Variants in FGD6 observed in about 807,000 individuals in gnomAD.
The protein encoded by FGD6 is FYVE, RhoGEF and PH domain-containing protein 6.
A neutral mutation model predicts 149.4 loss-of-function variants in FGD6; 90 were observed. That is an observed-to-expected ratio of 0.60 (90% CI 0.51 to 0.72). The LOEUF is 0.72. Among genes scored for constraint, FGD6 ranks in the 30% least tolerant of loss-of-function variants. The pLI is 0.00. For synonymous variants in FGD6, 527 were observed against 584.0 expected (o/e 0.90, Z 1.41); for missense variants, 1,437 against 1,684.8 (o/e 0.85, Z 2.57).
At position 95,077,259 on chromosome 12, in the gene FGD6, TCTCAAATGAGTAAGTTGTC is replaced by T. The variant is rs1334861896; in HGVS notation, c.*4242_*4260del. 1 of 152,140 alleles carries T rather than the reference TCTCAAATGAGTAAGTTGTC, an allele frequency of 6.6e-6. No homozygotes were observed. The highest frequency in any genetic ancestry group is 2.4e-5 in the African/African-American group (1 of 41,424). The allele number at this position is 152,140 out of a possible 1,614,324, so 9.4% of individuals were successfully genotyped here. ...TGCATGCAAGGTACCCTGCCAGAAA[TCTCAAATGAGTAAGTTGTC>T]CTTAGGGATAGAAGGTGCTAAGCAT... On this transcript the variant is annotated 3_prime_UTR_variant, in exon 21 of 21. Transcript: ENST00000343958.
rs141424282 is a variant in FGD6, at chr12:95,197,932, T to C, written c.2441+10911A>G. On this transcript the variant is annotated intron_variant, in intron 2 of 20. Coordinates refer to ENST00000343958, the MANE Select transcript of FGD6 (RefSeq NM_018351.4). ...TTCAGTTTCCAACCTTTGAAACACC[T>C]ATTACCTAACCACAAGAGCTTTCCA... 6.2e-3 allele frequency among the ~76,000 whole-genome samples: 941 copies of C among 152,326 alleles called. 16 individuals carry two copies. The highest frequency in any genetic ancestry group is 0.021 in the African/African-American group (891 of 41,566).
chr12:95,153,116 CA>C, intron 3 of FGD6, 123 bp from the exon 4 acceptor site: 1 of 757,640 alleles, frequency 1.3e-6, no homozygotes, highest in Non-Finnish European at 2.2e-6. Flanking sequence ...CAGTTCATAC[CA>C]TATAACATTT....
Position 95,094,576 on chromosome 12 carries a change from AAG to A in FGD6, c.3600+14_3600+15del, listed in dbSNP as rs1555216287. 3 of 1,553,210 alleles carry A rather than the reference AAG, an allele frequency of 1.9e-6. No individual in the cohort carries two copies. In the African/African-American group the frequency reaches 4.2e-5, roughly 22 times the overall value. On this transcript the variant is annotated intron_variant, in intron 15 of 20. Coordinates refer to ENST00000343958, the MANE Select transcript of FGD6 (RefSeq NM_018351.4). ...TGAAATGCACTGGAAAAAAAAAAAA[AAG>A]GAGAAAACAATACCTCATCAAGACT...
intron 2 of FGD6, among the ~76,000 whole-genome samples, chr12:95,174,851 C>T (rs371174393): frequency 2.3e-5 from 3 of 132,960 alleles, no homozygotes. Flanking sequence ...GGCGTGAACC[C>T]GGGAGGCGGA....
intron 8 of FGD6, among the ~76,000 whole-genome samples, chr12:95,125,085 T>C (rs1879295982): frequency 1.3e-5 from 2 of 152,200 alleles, no homozygotes; most frequent in Non-Finnish European, 2.9e-5. Flanking sequence ...TTTAATCTTA[T>C]GTAGTTTATT....
At chr12:95,160,755 G>A (rs1032753131) in intron 3 of FGD6, among the ~76,000 whole-genome samples, 3 of 152,110 alleles carry the variant, frequency 2.0e-5, no homozygotes, top group Non-Finnish European at 4.4e-5. Context: ...ACCCACCTGT[G>A]TGGGAGGCTG....
chr12:95,128,293 C>G (rs1270381153), intron 8 of FGD6, among the ~76,000 whole-genome samples: 1 of 152,114 alleles, frequency 6.6e-6, no homozygotes, highest in Admixed American at 6.6e-5. Context: ...TGAAGTACAA[C>G]AGGCACGATC....
At chr12:95,141,093 C>A (rs763260539) in intron 6 of FGD6, among the ~76,000 whole-genome samples, 8 of 151,850 alleles carry the variant, frequency 5.3e-5, no homozygotes, top group Non-Finnish European at 1.5e-5. Flanking sequence ...CGTGGTGGCA[C>A]ACGCCTATAA....
At chr12:95,191,615 C>T (rs1881589411) in intron 2 of FGD6, among the ~76,000 whole-genome samples, 1 of 148,728 alleles carries the variant, frequency 6.7e-6, no homozygotes, top group Non-Finnish European at 1.5e-5. Flanking sequence ...CATAGTTGTC[C>T]CTGGGTATCT....
chr12:95,090,563 G>A (rs1047735713), intron 17 of FGD6, among the ~76,000 whole-genome samples: 5 of 152,158 alleles, frequency 3.3e-5, no homozygotes, highest in African/African-American at 1.2e-4. Context: ...ATGGGTATAG[G>A]TGATGAGGAA....
intron 2 of FGD6, among the ~76,000 whole-genome samples, chr12:95,201,506 A>G (rs1592875009): frequency 6.6e-6 from 1 of 152,330 alleles, no homozygotes; most frequent in Non-Finnish European, 1.5e-5. Flanking sequence ...AGTTATGACT[A>G]CTGCAAAAAT....
chr12:95,134,580 G>A (rs781605574), intron 8 of FGD6, among the ~76,000 whole-genome samples, 159 bp downstream of exon 8: 2 of 152,188 alleles, frequency 1.3e-5, no homozygotes, highest in Admixed American at 6.5e-5. Context: ...TTCAGGCAAC[G>A]TATATGTAAA....
intron 2 of FGD6, among the ~76,000 whole-genome samples, chr12:95,200,941 T>A (rs998677324): frequency 6.6e-6 from 1 of 151,776 alleles, no homozygotes; most frequent in Non-Finnish European, 1.5e-5. Context: ...AAATGTGCTA[T>A]AACACGAACT....
intron 15 of FGD6, among the ~76,000 whole-genome samples, chr12:95,093,448 G>T (rs1878132909): frequency 6.6e-6 from 1 of 152,096 alleles, no homozygotes; most frequent in Admixed American, 6.5e-5. Context: ...GGGAGGCCGA[G>T]GCGGGTGGAT....
Position 95,108,352 on chromosome 12 carries a change from C to G in FGD6, c.3260G>C (p.Gly1087Ala), listed in dbSNP as rs749429181. The change falls in exon 11 of 21, where the codon GGT becomes GCT. Residue 1087 changes from glycine to alanine, a missense_variant. Physicochemically the swap from Gly to Ala is moderately conservative, Grantham distance 60. Transcript: ENST00000343958. ...LNGHHEIVQP[G>A]RVFLKEGILM... Reference sequence around the variant, plus strand: ...AAAGCAATGTAAAATGCTTACCCGACCAGGCTGCACAATTTCATGGTGTCC... The same window carrying G: ...AAAGCAATGTAAAATGCTTACCCGAGCAGGCTGCACAATTTCATGGTGTCC... 3 of 1,613,562 alleles carry G rather than the reference C, an allele frequency of 1.9e-6. No homozygotes were observed. The African/African-American group carries it at 4.0e-5, about 22-fold the overall frequency.
At chr12:95,169,677 C>G (rs999977359) in intron 3 of FGD6, among the ~76,000 whole-genome samples, 3 of 152,120 alleles carry the variant, frequency 2.0e-5, no homozygotes, top group African/African-American at 7.2e-5. Flanking sequence ...TTGGTCAGTG[C>G]TCCAAGAAGT....
intron 2 of FGD6, among the ~76,000 whole-genome samples, chr12:95,183,561 A>T (rs190725985): frequency 4.1e-4 from 62 of 152,136 alleles, no homozygotes; most frequent in South Asian, 8.3e-4. Context: ...AATTCAAACA[A>T]CCTCCAAGGC....
rs1324805846 is a variant in FGD6 at position 95,157,180 on chromosome 12, T to TA, written c.2587-4188dup. ...CTCTGACAGAAGTAGCCACTAATCT[T>TA]ACAGTTTGTGTATATTTGTCCCTTC... On this transcript the variant is annotated intron_variant, in intron 3 of 20. Coordinates refer to ENST00000343958, the MANE Select transcript of FGD6 (RefSeq NM_018351.4). Among the ~76,000 whole-genome samples, 10 of 152,354 alleles carry TA rather than the reference T, an allele frequency of 6.6e-5. No individual in the cohort carries two copies. In the East Asian group the frequency reaches 1.9e-3, roughly 29 times the overall value.
rs372573485 is a variant in FGD6, at chr12:95,107,041, A to G, written c.3334-4T>C. 4 of 1,606,322 alleles carry G rather than the reference A, an allele frequency of 2.5e-6. No individual in the cohort carries two copies. Among genetic ancestry groups the G allele is most frequent in the Non-Finnish European group, 3.4e-6 (4 of 1,176,596 alleles). ...TATACAGCAGGGCATCATTAAACTGAAAGTAGAAACATTTCAGGGGAGAAA... is the reference window on the plus strand; with the variant it reads ...TATACAGCAGGGCATCATTAAACTGGAAGTAGAAACATTTCAGGGGAGAAA... On this transcript the variant is annotated splice_polypyrimidine_tract_variant and splice_region_variant and intron_variant, in intron 12 of 20. Transcript: ENST00000343958.
Sources: allele counts gnomAD v4.1 joint callset (sites outside exome capture counted in the v4.1 genomes callset), GRCh38; gene constraint gnomAD v4.1.1; transcripts MANE v1.5; gene names NCBI Gene and HGNC (gene_info 2026-07-23, HGNC 2026-07-21).